The following FILIP1L variants were observed in gnomAD, a reference collection of about 807,000 sequenced individuals.
FILIP1L encodes filamin A interacting protein 1 like, also known as filamin A-interacting protein 1-like.
Under a neutral mutation model 96.6 loss-of-function variants are expected in FILIP1L, and 55 were observed. The ratio of observed to expected loss-of-function variants is 0.57; its 90% CI spans 0.46 to 0.71. The LOEUF (loss-of-function observed/expected upper bound fraction) is 0.71. FILIP1L is among the 30% of genes least tolerant of loss of function. The probability of loss-of-function intolerance (pLI) is 0.00; values close to 1 mark genes in which losing one functional copy is unlikely to be tolerated. For missense variants in FILIP1L, 1,304 were observed against 1,321.2 expected (o/e 0.99, Z 0.20); for synonymous variants, 467 against 473.9 (o/e 0.99, Z 0.19).
intron 4 of FILIP1L, among the ~76,000 whole-genome samples, chr3:99,892,094 C>G (rs1466789802): frequency 6.6e-6 from 1 of 152,158 alleles, no homozygotes; most frequent in Non-Finnish European, 1.5e-5. Context: ...ATGCTTTTAC[C>G]AAACCTCTGT....
chr3:99,968,288 A>G (rs114861059), intron 1 of FILIP1L, among the ~76,000 whole-genome samples: 1 of 152,146 alleles, frequency 6.6e-6, no homozygotes, highest in Non-Finnish European at 1.5e-5. Context: ...CAAACTACAG[A>G]AAGTTTGGTC....
intron 4 of FILIP1L, among the ~76,000 whole-genome samples, chr3:99,885,512 G>T (rs929613515): frequency 6.6e-6 from 1 of 152,160 alleles, no homozygotes; most frequent in Non-Finnish European, 1.5e-5. Context: ...TAAACTCAAG[G>T]ATTTAAAATT....
intron 5 of FILIP1L, among the ~76,000 whole-genome samples, chr3:99,835,966 G>A (rs1198372307): frequency 6.6e-6 from 1 of 152,186 alleles, no homozygotes; most frequent in Non-Finnish European, 1.5e-5. Flanking sequence ...TGGGAGGATA[G>A]TTAGTATGGT....
intron 4 of FILIP1L, among the ~76,000 whole-genome samples, chr3:99,853,253 G>C (rs952575868): frequency 6.6e-6 from 1 of 152,176 alleles, no homozygotes; most frequent in South Asian, 2.1e-4. Flanking sequence ...GAATTCATTC[G>C]ATGTAATGGT....
At chr3:99,966,015 T>C (rs1017508328) in intron 1 of FILIP1L, among the ~76,000 whole-genome samples, 13 of 152,160 alleles carry the variant, frequency 8.5e-5, no homozygotes, top group Non-Finnish European at 1.9e-4. Flanking sequence ...GGGTCTTTTC[T>C]TCAGCCTCTT....
At chr3:99,880,983 T>A (rs1390657152) in intron 4 of FILIP1L, among the ~76,000 whole-genome samples, 2 of 152,222 alleles carry the variant, frequency 1.3e-5, no homozygotes, top group Admixed American at 6.5e-5. Flanking sequence ...TAAAAGCGCA[T>A]GTTTACATAT....
In FILIP1L at chr3:99,858,616, T is replaced by C. The variant is rs557633595; in HGVS notation, c.606-7546A>G. Among the ~76,000 whole-genome samples, 6 of 152,362 alleles carry C rather than the reference T, an allele frequency of 3.9e-5. No individual in the cohort carries two copies. The South Asian group carries it at 6.2e-4, about 16-fold the overall frequency. On this transcript the variant is annotated intron_variant, in intron 4 of 5. Transcript: ENST00000477258. ...GTTTTACATTTCTGCAACTAATGTC[T>C]GGCTTAATTGAAGACAGCTGTATCC...
intron 4 of FILIP1L, among the ~76,000 whole-genome samples, chr3:99,857,093 AT>A (rs1292436886): frequency 1.3e-5 from 2 of 152,004 alleles, no homozygotes; most frequent in African/African-American, 2.4e-5. Context: ...AACCACATGA[AT>A]TTTTTTTGAA....
intron 4 of FILIP1L, among the ~76,000 whole-genome samples, chr3:99,897,929 C>T (rs768156125): frequency 1.2e-4 from 18 of 152,144 alleles, no homozygotes; most frequent in Admixed American, 2.0e-4. Context: ...CCATGTTTCT[C>T]GTCACCATGA....
At position 99,983,396 on chromosome 3, in the gene FILIP1L, A is replaced by G. The variant is rs894873890; in HGVS notation, c.-10-52366T>C. 4.1e-3 allele frequency among the ~76,000 whole-genome samples: 441 copies of G among 107,242 alleles called. 24 individuals carry two copies. In the South Asian group the frequency reaches 0.054, roughly 13 times the overall value. 70.4% of individuals were successfully genotyped at this position (107,242 alleles called of 152,430 possible). A position where few individuals can be genotyped will look rare whatever the true frequency, so the allele number is the denominator to read the frequency against. ...TTAAAAAATAAATAAATAAATATAT[A>G]TATATATATATATATATATATATGT... On this transcript the variant is annotated intron_variant, in intron 1 of 5. Coordinates refer to ENST00000477258, the MANE Select transcript of FILIP1L (RefSeq NM_001387850.1).
At chr3:99,905,487 A>G (rs1706585262) in intron 4 of FILIP1L, among the ~76,000 whole-genome samples, 1 of 152,212 alleles carries the variant, frequency 6.6e-6, no homozygotes, top group Admixed American at 6.5e-5. Flanking sequence ...AGAACATGTA[A>G]CATACTCCAT....
At chr3:99,940,067 G>A (rs747499065) in intron 1 of FILIP1L, among the ~76,000 whole-genome samples, 1 of 152,166 alleles carries the variant, frequency 6.6e-6, no homozygotes, top group Non-Finnish European at 1.5e-5. Flanking sequence ...TCTTAGCTGT[G>A]TGTTGTGAAG....
intron 1 of FILIP1L, among the ~76,000 whole-genome samples, chr3:99,932,513 A>G (rs1707515883): frequency 6.6e-6 from 1 of 152,054 alleles, no homozygotes; most frequent in African/African-American, 2.4e-5. Flanking sequence ...AAAAAATGCT[A>G]CTTCAAACAT....
At chr3:99,924,190 G>C (rs760015207) in intron 4 of FILIP1L, 40 bp downstream of exon 4, 2 of 1,567,940 alleles carry the variant, frequency 1.3e-6, no homozygotes, top group East Asian at 4.5e-5. Flanking sequence ...CCAGCTCATA[G>C]ATTGCAGAAT....
At chr3:100,032,685 T>C (rs974092650) in intron 1 of FILIP1L, among the ~76,000 whole-genome samples, 2 of 152,182 alleles carry the variant, frequency 1.3e-5, no homozygotes, top group South Asian at 4.1e-4. Flanking sequence ...TAAAGAAACA[T>C]TTTTTAAAAT....
At chr3:99,838,029 A>G (rs374188475) in intron 5 of FILIP1L, among the ~76,000 whole-genome samples, 56 of 152,236 alleles carry the variant, frequency 3.7e-4, no homozygotes, top group African/African-American at 1.3e-3. Context: ...CTATCCCATC[A>G]TCTCTGAGGC....
At chr3:99,927,923 C>T (rs1707348942) in intron 3 of FILIP1L, among the ~76,000 whole-genome samples, 2 of 152,080 alleles carry the variant, frequency 1.3e-5, no homozygotes, top group South Asian at 4.1e-4. Flanking sequence ...TGTCATGTAA[C>T]CGAGAGCTGT....
At chr3:100,004,805 G>A (rs1049514847) in intron 1 of FILIP1L, among the ~76,000 whole-genome samples, 13 of 152,234 alleles carry the variant, frequency 8.5e-5, no homozygotes, top group African/African-American at 2.7e-4. Context: ...GCTAGTCTGA[G>A]ATTCTTAATG....
chr3:99,849,803 T>A lies in FILIP1L; in HGVS notation c.1873A>T (p.Ile625Phe). 1 of 1,613,042 alleles carries A rather than the reference T, an allele frequency of 6.2e-7. No homozygotes were observed. Among genetic ancestry groups the A allele is most frequent in the East Asian group, 2.2e-5 (1 of 44,870 alleles). The change falls in exon 5 of 6, where the codon ATT becomes TTT. Residue 625 changes from isoleucine (I) to phenylalanine (F), a missense_variant. Coordinates refer to ENST00000477258, the MANE Select transcript of FILIP1L (RefSeq NM_001387850.1). The stretch of plus-strand genomic sequence containing the variant: ...TCCACTTCTTGAGAGAGCTCCTTAA[T>A]CTTATTGTTTTCTTGGTGTAATGCT... ...TTALHQENNK[I>F]KELSQEVERL...
Sources: gnomAD v4.1 joint callset for allele counts (sites outside exome capture counted in the v4.1 genomes callset) on GRCh38, gnomAD v4.1.1 for gene constraint, MANE v1.5 for transcripts, NCBI Gene and HGNC (gene_info 2026-07-23, HGNC 2026-07-21) for gene names.